Variants in HARBI1 observed in about 807,000 individuals in gnomAD.
HARBI1 encodes the protein putative nuclease HARBI1.
Under a neutral mutation model 25.3 loss-of-function variants are expected in HARBI1, and 15 were observed. The ratio of observed to expected loss-of-function variants is 0.59; its 90% CI spans 0.40 to 0.91. The LOEUF (loss-of-function observed/expected upper bound fraction) is 0.91, where lower values mean the gene tolerates loss of function less well. Among genes scored for constraint, HARBI1 ranks in the 40% least tolerant of loss-of-function variants. The pLI is 0.00. For missense variants in HARBI1, 396 were observed against 445.8 expected (o/e 0.89, Z 1.01); for synonymous variants, 168 against 160.5 (o/e 1.05, Z -0.35).
intron 2 of HARBI1, among the ~76,000 whole-genome samples, chr11:46,607,143 T>C (rs2044985829): frequency 6.6e-6 from 1 of 151,018 alleles, no homozygotes; most frequent in Non-Finnish European, 1.5e-5. Context: ...TGCGTGCCTG[T>C]AGCCCCAGCT....
At position 46,603,686 on chromosome 11, in the gene HARBI1, G is replaced by A; in HGVS notation, c.894C>T (p.Leu298=). 1.9e-6 allele frequency: 3 copies of A among 1,614,140 alleles called. No homozygotes were observed. Among genetic ancestry groups the A allele is most frequent in the Non-Finnish European group, 2.5e-6 (3 of 1,180,006 alleles). The change falls in exon 3 of 3, where the codon CTC becomes CTT. Residue 298 remains leucine, a synonymous_variant. Coordinates refer to ENST00000326737, the MANE Select transcript of HARBI1 (RefSeq NM_173811.4). ...SSHIILACCV[L]HNISLEHGMD... The stretch of plus-strand genomic sequence containing the variant: ...TCCCATGCTCCAGGGAGATGTTGTG[G>A]AGGACACAACAGGCCAAGATGATAT...
upstream of HARBI1, chr11:46,617,357 A>T (rs560889603): frequency 6.6e-6 from 1 of 152,666 alleles, no homozygotes; most frequent in African/African-American, 2.4e-5. Flanking sequence ...TCTCTCTCAA[A>T]CACCGCCTTT....
At position 46,617,113 on chromosome 11, in the gene HARBI1, C is replaced by G. The variant is rs1055238274; in HGVS notation, c.-145+11G>C. The G allele has an allele frequency of 9.9e-6, 5 of 505,794 alleles. No individual in the cohort carries two copies. The highest frequency in any genetic ancestry group is 1.3e-5 in the Non-Finnish European group (5 of 391,930). 31.3% of individuals were successfully genotyped at this position (505,794 alleles called of 1,614,324 possible). A position where few individuals can be genotyped will look rare whatever the true frequency, so the allele number is the denominator to read the frequency against. Reference sequence around the variant, plus strand: ...CGCCGGCCACTCAGTTAGCCCAGGCCCGTCACCCACCTCTCCGCGGCTGCC... The same window carrying G: ...CGCCGGCCACTCAGTTAGCCCAGGCGCGTCACCCACCTCTCCGCGGCTGCC... On this transcript the variant is annotated intron_variant, in intron 1 of 2. Transcript: ENST00000326737.
intron 1 of HARBI1, 43 bp from the exon 2 acceptor site, chr11:46,616,424 C>T: frequency 7.1e-7 from 1 of 1,407,680 alleles, no homozygotes; most frequent in Non-Finnish European, 9.2e-7. Context: ...CTACCAAAGA[C>T]TTTAAAGTGA....
chr11:46,617,712 A>C (rs2045741154), upstream of HARBI1: 1 of 397,556 alleles, frequency 2.5e-6, no homozygotes, highest in African/African-American at 2.1e-5. Context: ...CTTAGGAGCA[A>C]AACGTCTGGG....
At chr11:46,607,927 AAAG>A (rs1455978700) in intron 2 of HARBI1, among the ~76,000 whole-genome samples, 7 of 151,852 alleles carry the variant, frequency 4.6e-5, no homozygotes, top group Non-Finnish European at 8.8e-5. Flanking sequence ...AAAAAAAAAA[AAAG>A]GCCAGAGGCT....
rs1166427273 is a variant in HARBI1 at position 46,615,895 on chromosome 11, C to T, written c.343G>A (p.Ala115Thr). ...GCTGGAAAGCGAATGAACTGTGAGGCCCTTTCCACAAGTGCTTCAGTGACA... is the reference window on the plus strand; with the variant it reads ...GCTGGAAAGCGAATGAACTGTGAGGTCCTTTCCACAAGTGCTTCAGTGACA... ...ANVTEALVER[A>T]SQFIRFPADE... Residue 115 changes from alanine (A) to threonine (T), a missense_variant, in exon 2 of 3, where the codon GCC becomes ACC. Physicochemically the swap from Ala to Thr is moderately conservative, Grantham distance 58. Transcript: ENST00000326737. 1.9e-6 allele frequency: 3 copies of T among 1,614,062 alleles called. No individual in the cohort carries two copies. Among genetic ancestry groups the T allele is most frequent in the African/African-American group, 2.7e-5 (2 of 74,908 alleles).
intron 1 of HARBI1, chr11:46,616,670 C>A: frequency 2.0e-6 from 2 of 998,848 alleles, no homozygotes; most frequent in Non-Finnish European, 2.4e-6. Flanking sequence ...TAAAAGAGGT[C>A]GGCTTCTAAC....
rs761869794 is a variant in HARBI1 at position 46,603,550 on chromosome 11, T to C, written c.1030A>G (p.Met344Val). The change falls in exon 3 of 3, where the codon ATG (methionine) becomes GTG (valine). Residue 344 changes from methionine to valine, a missense_variant. By Grantham distance (21) the Met-to-Val change is conservative (BLOSUM62 1). Coordinates refer to ENST00000326737, the MANE Select transcript of HARBI1 (RefSeq NM_173811.4). ...LEADRIRQEL[M>V]LTHFS ...CTACATTAGCTAAAATGAGTGAGCA[T>C]TAGCTCCTGACGAATACGGTCAGCC... 2 of 1,601,116 alleles carry C rather than the reference T, an allele frequency of 1.2e-6. No individual in the cohort carries two copies. The highest frequency in any genetic ancestry group is 1.1e-5 in the South Asian group (1 of 89,256).
rs2044819769 is a variant in HARBI1 at position 46,602,975 on chromosome 11, C to G, written c.*555G>C. ...TCTCCTGCCTCAGCCTACCGAGTAG[C>G]TGGGATTACAGGCACCTGTCACCAC... On this transcript the variant is annotated 3_prime_UTR_variant, in exon 3 of 3. Transcript: ENST00000326737. 1 of 152,454 alleles carries G rather than the reference C, an allele frequency of 6.6e-6. No homozygotes were observed. Among genetic ancestry groups the G allele is most frequent in the African/African-American group, 2.4e-5 (1 of 41,340 alleles). 9.4% of individuals were successfully genotyped at this position (152,454 alleles called of 1,614,324 possible). A position where few individuals can be genotyped will look rare whatever the true frequency, so the allele number is the denominator to read the frequency against.
intron 2 of HARBI1, among the ~76,000 whole-genome samples, chr11:46,611,998 C>T (rs149918417): frequency 2.6e-5 from 4 of 151,448 alleles, no homozygotes; most frequent in South Asian, 2.1e-4. Context: ...GGATATTACA[C>T]GTGGTACCCT....
At chr11:46,605,309 C>T (rs1251015704) in intron 2 of HARBI1, among the ~76,000 whole-genome samples, 1 of 152,026 alleles carries the variant, frequency 6.6e-6, no homozygotes, top group Non-Finnish European at 1.5e-5. Flanking sequence ...AACCTTCCAG[C>T]CTCCTACCTC....
chr11:46,615,194 G>A (rs2045330348), intron 2 of HARBI1, among the ~76,000 whole-genome samples: 1 of 149,706 alleles, frequency 6.7e-6, no homozygotes, highest in South Asian at 2.1e-4. Context: ...TAACAGGCAT[G>A]AGCTACACGT....
At chr11:46,617,632 A>C (rs576682604), upstream of HARBI1, 102 of 195,958 alleles carry the variant, frequency 5.2e-4, no homozygotes, top group African/African-American at 2.4e-3. Context: ...TTAAGGCGGG[A>C]GTGACCGCTT....
chr11:46,616,363 G>A lies in HARBI1; in HGVS notation c.-126C>T, dbSNP rs142624067. On this transcript the variant is annotated 5_prime_UTR_variant, in exon 2 of 3. Transcript: ENST00000326737. ...CAGCTAACCACAGTTAAATGGCTCT[G>A]CCATTTATAATCTTCTCTCTGTAAA... is the stretch of plus-strand genomic sequence containing the variant. 2.7e-6 allele frequency: 4 copies of A among 1,464,152 alleles called. No homozygotes were observed. Among genetic ancestry groups the A allele is most frequent in the African/African-American group, 2.8e-5 (2 of 70,744 alleles). The allele number at this position is 1,464,152 out of a possible 1,614,324, so 90.7% of individuals were successfully genotyped here. A position where few individuals can be genotyped will look rare whatever the true frequency, so the allele number is the denominator to read the frequency against.
intron 2 of HARBI1, among the ~76,000 whole-genome samples, chr11:46,606,865 C>T (rs2044973967): frequency 1.3e-5 from 2 of 152,272 alleles, no homozygotes; most frequent in South Asian, 4.1e-4. Flanking sequence ...TGACCCTGAA[C>T]TCCTGGCCTC....
chr11:46,614,975 C>CTA (rs1565351533), intron 2 of HARBI1, among the ~76,000 whole-genome samples: 1 of 152,106 alleles, frequency 6.6e-6, no homozygotes, highest in East Asian at 1.9e-4. Flanking sequence ...TGCACTGGCG[C>CTA]GATCTTGGCT....
chr11:46,605,403 A>G (rs1439369648), intron 2 of HARBI1, among the ~76,000 whole-genome samples: 1 of 151,536 alleles, frequency 6.6e-6, no homozygotes, highest in Admixed American at 6.6e-5. Context: ...AGGTTTCACT[A>G]TGTTACCCAG....
intron 2 of HARBI1, chr11:46,604,712 A>C (rs2044871985): frequency 1.0e-6 from 1 of 985,218 alleles, no homozygotes; most frequent in Admixed American, 6.1e-5. Context: ...CTTATGGCAG[A>C]GATCAGAACT....
Sources: allele counts gnomAD v4.1 joint callset (sites outside exome capture counted in the v4.1 genomes callset), GRCh38; gene constraint gnomAD v4.1.1; transcripts MANE v1.5; gene names NCBI Gene and HGNC (gene_info 2026-07-23, HGNC 2026-07-21).